COLGALT2: variants seen among roughly 807,000 people sequenced by gnomAD.
COLGALT2 encodes collagen beta(1-O)galactosyltransferase 2.
A neutral mutation model predicts 73.4 loss-of-function variants in COLGALT2; 49 were observed. The ratio of observed to expected loss-of-function variants is 0.67; its 90% CI spans 0.53 to 0.85. COLGALT2 has a LOEUF of 0.85. COLGALT2 is among the 40% of genes least tolerant of loss of function. The pLI, the probability that COLGALT2 is intolerant of heterozygous loss-of-function variation, is 0.00. For synonymous variants in COLGALT2, 295 were observed against 307.6 expected (o/e 0.96, Z 0.43); for missense variants, 722 against 790.2 (o/e 0.91, Z 1.03).
chr1:184,035,794 T>C (rs1346868331), intron 1 of COLGALT2, among the ~76,000 whole-genome samples: 2 of 152,196 alleles, frequency 1.3e-5, no homozygotes, highest in Non-Finnish European at 2.9e-5. Flanking sequence ...AATCCTTCCT[T>C]CTGGTTTAAA....
Position 184,029,119 on chromosome 1 carries a change from C to T in COLGALT2, c.263+7976G>A, listed in dbSNP as rs191845491. 1.8e-4 allele frequency among the ~76,000 whole-genome samples: 27 copies of T among 152,326 alleles called. No individual in the cohort carries two copies. In the East Asian group the frequency reaches 5.0e-3, roughly 28 times the overall value. ...TTCATGCAAGAGACTTGGCTAATGC[C>T]ACCTACCACAAATGCTGCATTTTCA... On this transcript the variant is annotated intron_variant, in intron 1 of 11. Transcript: ENST00000361927.
At chr1:184,028,888 C>G (rs1428721863) in intron 1 of COLGALT2, among the ~76,000 whole-genome samples, 4 of 152,136 alleles carry the variant, frequency 2.6e-5, no homozygotes, top group Non-Finnish European at 4.4e-5. Flanking sequence ...TCAGTTAAAC[C>G]AACAAGTCAG....
intron 8 of COLGALT2, among the ~76,000 whole-genome samples, chr1:183,946,822 G>C (rs1670263187): frequency 6.6e-6 from 1 of 152,190 alleles, no homozygotes; most frequent in Non-Finnish European, 1.5e-5. Flanking sequence ...AGAAGGTCTG[G>C]AGATCGAGAC....
At chr1:183,940,434 G>A (rs796446029) in intron 11 of COLGALT2, 147 bp downstream of exon 11, 1 of 756,818 alleles carries the variant, frequency 1.3e-6, no homozygotes, top group African/African-American at 1.7e-5. Context: ...TAAATCACCT[G>A]AGTTAGGCTC....
At chr1:183,996,785 G>A (rs990433777) in intron 1 of COLGALT2, among the ~76,000 whole-genome samples, 2 of 152,196 alleles carry the variant, frequency 1.3e-5, no homozygotes, top group African/African-American at 2.4e-5. Context: ...TACAGCAGGT[G>A]TCCAAGACTC....
intron 1 of COLGALT2, among the ~76,000 whole-genome samples, chr1:184,003,617 A>T (rs73050919): frequency 0.15 from 23,109 of 152,098 alleles, 2,773 homozygotes; most frequent in African/African-American, 0.33. Context: ...ATGAATTTCC[A>T]AATCACAGAA....
intron 5 of COLGALT2, 38 bp downstream of exon 5, chr1:183,969,231 G>T: frequency 1.3e-6 from 2 of 1,502,716 alleles, no homozygotes; most frequent in Non-Finnish European, 9.1e-7. Context: ...ATTTTGCTGT[G>T]TCTCCATTGT....
chr1:183,975,331 T>C (rs964132935), intron 2 of COLGALT2, 117 bp from the exon 3 acceptor site: 1 of 621,632 alleles, frequency 1.6e-6, no homozygotes, highest in African/African-American at 1.8e-5. Flanking sequence ...GATACTATTA[T>C]TATTGTTATC....
At chr1:184,004,326 T>C (rs138353255) in intron 1 of COLGALT2, among the ~76,000 whole-genome samples, 74 of 152,256 alleles carry the variant, frequency 4.9e-4, no homozygotes, top group African/African-American at 1.8e-3. Flanking sequence ...AAAAAACCCA[T>C]AACTACCCAC....
Position 184,018,076 on chromosome 1 carries a change from G to A in COLGALT2, c.263+19019C>T, listed in dbSNP as rs567151149. 3.7e-4 allele frequency among the ~76,000 whole-genome samples: 57 copies of A among 152,088 alleles called. 2 individuals carry two copies. The highest frequency in any genetic ancestry group is 3.5e-3 in the Admixed American group (53 of 15,268). ...AATTCATATACCAACAAACAATAAA[G>A]ACATTAAGCAGACACAATTGTCATG... On this transcript the variant is annotated intron_variant, in intron 1 of 11. Transcript: ENST00000361927.
chr1:183,952,020 T>C (rs533403597), intron 7 of COLGALT2, among the ~76,000 whole-genome samples: 2 of 152,226 alleles, frequency 1.3e-5, no homozygotes, highest in South Asian at 4.2e-4. Context: ...TGGAACAGAA[T>C]AGAGAACCAG....
intron 1 of COLGALT2, among the ~76,000 whole-genome samples, chr1:184,009,902 G>A (rs1453369982): frequency 1.3e-5 from 2 of 152,198 alleles, no homozygotes; most frequent in African/African-American, 4.8e-5. Context: ...TCTGCCCAGT[G>A]TAGAGAGCTA....
chr1:183,969,599 T>C, intron 4 of COLGALT2, 126 bp from the exon 5 acceptor site: 1 of 670,872 alleles, frequency 1.5e-6, no homozygotes, highest in African/African-American at 1.8e-5. Context: ...CAAAGCCACC[T>C]TCACTCCTCT....
chr1:183,990,814 C>G (rs1386258120), intron 1 of COLGALT2, among the ~76,000 whole-genome samples: 2 of 152,212 alleles, frequency 1.3e-5, no homozygotes, highest in East Asian at 1.9e-4. Context: ...GGTGTTAGGG[C>G]TGATGCAATT....
rs1670010389 is a variant in COLGALT2 at position 183,938,191 on chromosome 1, A to T, written c.*570T>A. 2.7e-5 allele frequency: 26 copies of T among 967,674 alleles called. No individual in the cohort carries two copies. The highest frequency in any genetic ancestry group is 1.5e-4 in the Admixed American group (2 of 13,616). The allele number at this position is 967,674 out of a possible 1,614,324, so 59.9% of individuals were successfully genotyped here. A position where few individuals can be genotyped will look rare whatever the true frequency, so the allele number is the denominator to read the frequency against. On this transcript the variant is annotated 3_prime_UTR_variant, in exon 12 of 12. Coordinates refer to ENST00000361927, the MANE Select transcript of COLGALT2 (RefSeq NM_015101.4). ...TACCCACCCCTACTGGATAACAGGG[A>T]CTAAGATTTTTTTTTTTTAAAAAAT...
chr1:184,025,034 C>T (rs1347148700), intron 1 of COLGALT2, among the ~76,000 whole-genome samples: 1 of 152,206 alleles, frequency 6.6e-6, no homozygotes, highest in East Asian at 1.9e-4. Flanking sequence ...CTGCCCTTTC[C>T]ACTTTAGACA....
At chr1:183,969,068 A>G (rs7531114) in intron 5 of COLGALT2, among the ~76,000 whole-genome samples, 30,159 of 152,002 alleles carry the variant, frequency 0.2, 3,053 homozygotes, top group Admixed American at 0.24. Context: ...GTTCCTGGGT[A>G]GAGGCCAGCC....
chr1:183,982,233 G>C (rs998998318), intron 1 of COLGALT2, among the ~76,000 whole-genome samples: 1 of 152,168 alleles, frequency 6.6e-6, no homozygotes, highest in Admixed American at 6.5e-5. Context: ...GAGCATGTTA[G>C]GACCAAGATG....
rs367731897 is a variant in COLGALT2, at chr1:183,936,776, G to A, written c.*1985C>T. The A allele has an allele frequency of 2.4e-4, 295 of 1,231,488 alleles. No individual in the cohort carries two copies. Among genetic ancestry groups the A allele is most frequent in the East Asian group, 2.1e-3 (66 of 31,702 alleles). The allele number at this position is 1,231,488 out of a possible 1,614,324, so 76.3% of individuals were successfully genotyped here. A position where few individuals can be genotyped will look rare whatever the true frequency, so the allele number is the denominator to read the frequency against. On this transcript the variant is annotated 3_prime_UTR_variant, in exon 12 of 12. Transcript: ENST00000361927. ...GGTGGGAAAGGAAGTCACACTGACA[G>A]CTAAGTCTAAGCGGCACAATTTAGA...
Sources: gnomAD v4.1 joint callset for allele counts (sites outside exome capture counted in the v4.1 genomes callset) on GRCh38, gnomAD v4.1.1 for gene constraint, MANE v1.5 for transcripts, NCBI Gene and HGNC (gene_info 2026-07-23, HGNC 2026-07-21) for gene names.